Variants in EEPD1 observed in about 807,000 individuals in gnomAD.
The protein encoded by EEPD1 is endonuclease/exonuclease/phosphatase family domain containing 1.
EEPD1 carries 17 observed loss-of-function variants against 46.3 expected under a neutral mutation model. That is an observed-to-expected ratio of 0.37 (90% CI 0.25 to 0.55). The LOEUF is 0.55. EEPD1 is among the 20% of genes least tolerant of loss of function. The pLI, the probability that EEPD1 is intolerant of heterozygous loss-of-function variation, is 0.83. For missense variants in EEPD1, 673 were observed against 745.6 expected (o/e 0.90, Z 1.13); for synonymous variants, 313 against 315.6 (o/e 0.99, Z 0.09).
chr7:36,173,921 G>T (rs1217289967), intron 2 of EEPD1, among the ~76,000 whole-genome samples: 2 of 152,202 alleles, frequency 1.3e-5, no homozygotes, highest in Non-Finnish European at 2.9e-5. Context: ...ATCCTTTGCA[G>T]CTAGGGTCTG....
chr7:36,296,152 A>G (rs1787521854), intron 6 of EEPD1, among the ~76,000 whole-genome samples: 1 of 152,084 alleles, frequency 6.6e-6, no homozygotes. Context: ...GTGCATCAAC[A>G]TGATGGATGG....
intron 2 of EEPD1, among the ~76,000 whole-genome samples, chr7:36,189,658 G>C (rs1387245017): frequency 1.3e-5 from 2 of 152,128 alleles, no homozygotes; most frequent in African/African-American, 4.8e-5. Context: ...CCCTGTCCCT[G>C]CCCAGAGATG....
At chr7:36,258,762 G>A (rs1036296894) in intron 3 of EEPD1, among the ~76,000 whole-genome samples, 1 of 152,090 alleles carries the variant, frequency 6.6e-6, no homozygotes, top group Non-Finnish European at 1.5e-5. Context: ...GCTGGGTTCC[G>A]TGGGGTTGGG....
At chr7:36,205,749 G>A (rs7794961) in intron 2 of EEPD1, among the ~76,000 whole-genome samples, 23,622 of 152,182 alleles carry the variant, frequency 0.16, 1,839 homozygotes, top group Middle Eastern at 0.19. Context: ...CAGCGAGGTG[G>A]GGAGTGAGTA....
At position 36,287,691 on chromosome 7, in the gene EEPD1, T is replaced by C. The variant is rs1453936031; in HGVS notation, c.1229T>C (p.Leu410Pro). ...LVNLHLAALT[L>P]LGSENPSKNH... ...AACCTTCACCTGGCAGCCCTGACCCTCCTGGGGAGCGAGAATCCCAGCAAG... is the reference window on the plus strand; with the variant it reads ...AACCTTCACCTGGCAGCCCTGACCCCCCTGGGGAGCGAGAATCCCAGCAAG... Residue 410 changes from leucine (L) to proline (P), a missense_variant, in exon 6 of 8, where the codon CTC becomes CCC. Leu to Pro is a moderately conservative substitution (Grantham distance 98). Coordinates refer to ENST00000242108, the MANE Select transcript of EEPD1 (RefSeq NM_030636.3). 2 of 1,613,966 alleles carry C rather than the reference T, an allele frequency of 1.2e-6. No individual in the cohort carries two copies. The highest frequency in any genetic ancestry group is 1.7e-6 in the Non-Finnish European group (2 of 1,180,010).
chr7:36,248,035 A>T (rs1037586749), intron 3 of EEPD1, among the ~76,000 whole-genome samples: 3 of 152,096 alleles, frequency 2.0e-5, no homozygotes, highest in Non-Finnish European at 2.9e-5. Context: ...AAAGTGAAGG[A>T]ACACACAGGG....
intron 3 of EEPD1, among the ~76,000 whole-genome samples, chr7:36,239,356 A>C (rs368588659): frequency 5.9e-5 from 9 of 152,180 alleles, no homozygotes; most frequent in African/African-American, 1.9e-4. Flanking sequence ...CAGAGGCCTC[A>C]CGCATGCCGG....
chr7:36,243,497 T>A (rs991997760), intron 3 of EEPD1, among the ~76,000 whole-genome samples: 4 of 152,160 alleles, frequency 2.6e-5, no homozygotes, highest in African/African-American at 9.7e-5. Flanking sequence ...TCTTTTACTG[T>A]CATGCAGCTG....
At chr7:36,174,841 T>TG (rs761666184) in intron 2 of EEPD1, among the ~76,000 whole-genome samples, 39 of 152,226 alleles carry the variant, frequency 2.6e-4, no homozygotes, top group Admixed American at 4.6e-4. Flanking sequence ...GGCTGATATT[T>TG]GCCCTGTTAA....
rs1423870227 is a variant in EEPD1 at position 36,281,233 on chromosome 7, C to G, written c.1041+8C>G. 6.2e-7 allele frequency: 1 copy of G among 1,610,976 alleles called. No homozygotes were observed. The highest frequency in any genetic ancestry group is 1.1e-5 in the South Asian group (1 of 90,968). ...TCGAGTCAGCTCCAGAAGGTACCCT[C>G]GTCTGCAAAGCCTGGCCTTTCCCTT... On this transcript the variant is annotated splice_region_variant and intron_variant, in intron 4 of 7. Coordinates refer to ENST00000242108, the MANE Select transcript of EEPD1 (RefSeq NM_030636.3).
chr7:36,256,729 A>G (rs903624566), intron 3 of EEPD1, among the ~76,000 whole-genome samples: 6 of 151,870 alleles, frequency 4.0e-5, no homozygotes, highest in African/African-American at 9.7e-5. Flanking sequence ...TGCACATGAG[A>G]TGGGTCTCCT....
chr7:36,278,482 T>G (rs1003759139), intron 3 of EEPD1, among the ~76,000 whole-genome samples: 3 of 135,978 alleles, frequency 2.2e-5, no homozygotes, highest in African/African-American at 8.0e-5. Flanking sequence ...ATCTACCTGG[T>G]TGGCTGATCC....
chr7:36,194,977 T>G (rs561764627), intron 2 of EEPD1, among the ~76,000 whole-genome samples: 1 of 152,348 alleles, frequency 6.6e-6, no homozygotes, highest in East Asian at 1.9e-4. Context: ...AAATCCTTCC[T>G]AATGCCCCAG....
chr7:36,201,337 AT>A (rs1223618858), intron 2 of EEPD1, among the ~76,000 whole-genome samples: 1 of 152,172 alleles, frequency 6.6e-6, no homozygotes, highest in Non-Finnish European at 1.5e-5. Context: ...TAGGTTCCTG[AT>A]TTTGATAATG....
chr7:36,235,927 C>CTTTT (rs35122231), intron 2 of EEPD1, among the ~76,000 whole-genome samples: 1 of 138,574 alleles, frequency 7.2e-6, no homozygotes, highest in Non-Finnish European at 1.6e-5. Flanking sequence ...GAACTTTTTC[C>CTTTT]TTTTTTTTTT....
At chr7:36,184,502 C>G (rs1384858733) in intron 2 of EEPD1, among the ~76,000 whole-genome samples, 1 of 152,258 alleles carries the variant, frequency 6.6e-6, no homozygotes, top group East Asian at 1.9e-4. Context: ...CTGGGAATAC[C>G]AGCCCTGGGA....
intron 5 of EEPD1, among the ~76,000 whole-genome samples, chr7:36,286,455 C>T (rs139731457): frequency 2.1e-3 from 321 of 152,334 alleles, no homozygotes; most frequent in Admixed American, 3.7e-3. Context: ...CCCTTCCCTT[C>T]CTGGCAGTGT....
At chr7:36,246,478 A>G (rs567511416) in intron 3 of EEPD1, among the ~76,000 whole-genome samples, 2 of 152,230 alleles carry the variant, frequency 1.3e-5, no homozygotes, top group Non-Finnish European at 2.9e-5. Context: ...CCAAAGTGGC[A>G]GTAGCTGGTA....
intron 2 of EEPD1, among the ~76,000 whole-genome samples, chr7:36,229,638 C>G (rs1786287540): frequency 6.6e-6 from 1 of 152,196 alleles, no homozygotes; most frequent in Non-Finnish European, 1.5e-5. Context: ...CCCCCTGCAG[C>G]CGCTCTCTCC....
Sources: gnomAD v4.1 joint callset for allele counts (sites outside exome capture counted in the v4.1 genomes callset) on GRCh38, gnomAD v4.1.1 for gene constraint, MANE v1.5 for transcripts, NCBI Gene and HGNC (gene_info 2026-07-23, HGNC 2026-07-21) for gene names.